The following TENM2 variants were observed in gnomAD, a reference collection of about 807,000 sequenced individuals.
TENM2 encodes teneurin-2.
TENM2 carries 52 observed loss-of-function variants against 245.2 expected under a neutral mutation model. That is an observed-to-expected ratio of 0.21 (90% CI 0.17 to 0.27). TENM2 has a LOEUF of 0.27. Among genes scored for constraint, TENM2 ranks in the 10% least tolerant of loss-of-function variants. TENM2 has a pLI of 1.00. For synonymous variants in TENM2, 1,363 were observed against 1,438.9 expected (o/e 0.95, Z 1.19); for missense variants, 3,046 against 3,666.8 (o/e 0.83, Z 4.37).
intron 25 of TENM2, among the ~76,000 whole-genome samples, chr5:168,231,424 T>G (rs1764888149): frequency 6.6e-6 from 1 of 152,170 alleles, no homozygotes; most frequent in African/African-American, 2.4e-5. Flanking sequence ...GGAATGGCAT[T>G]TCAGAAAACT....
chr5:168,054,094 C>T (rs565271275), intron 6 of TENM2, among the ~76,000 whole-genome samples: 10 of 152,310 alleles, frequency 6.6e-5, no homozygotes, highest in African/African-American at 2.4e-4. Flanking sequence ...TGTTAACGTT[C>T]CTAGCGGCAA....
At chr5:168,079,088 T>C (rs1161404895) in intron 7 of TENM2, among the ~76,000 whole-genome samples, 3 of 152,226 alleles carry the variant, frequency 2.0e-5, no homozygotes, top group Non-Finnish European at 4.4e-5. Flanking sequence ...CATTTGTTTG[T>C]GTCCTCTTTT....
chr5:167,190,745 A>T, the TENM2 span, among the ~76,000 whole-genome samples: 3 of 151,992 alleles, frequency 2.0e-5, no homozygotes, highest in Admixed American at 6.6e-5. Flanking sequence ...CTACACTCTC[A>T]TCTGCAGTGT....
chr5:168,090,218 CCACACACACACACACACACACACA>C (rs3083413), intron 7 of TENM2, among the ~76,000 whole-genome samples: 2 of 136,720 alleles, frequency 1.5e-5, no homozygotes, highest in Admixed American at 1.5e-4. Context: ...ACTCCCCCCA[CCACACACACACACACACACACACA>C]CACACACACA....
At chr5:167,134,945 A>G in the TENM2 span, among the ~76,000 whole-genome samples, 172 of 152,352 alleles carry the variant, frequency 1.1e-3, no homozygotes, top group African/African-American at 3.4e-3. Flanking sequence ...GAAAAATTCT[A>G]TTGTTAACGA....
chr5:167,450,554 A>G (rs1225630884), intron 2 of TENM2, among the ~76,000 whole-genome samples: 1 of 152,194 alleles, frequency 6.6e-6, no homozygotes, highest in African/African-American at 2.4e-5. Flanking sequence ...GTAAAACTCT[A>G]TAAGCTTATT....
chr5:166,981,199 C>CTTA, the TENM2 span, among the ~76,000 whole-genome samples: 1 of 152,164 alleles, frequency 6.6e-6, no homozygotes, highest in South Asian at 2.1e-4. Flanking sequence ...AGACCTAAAG[C>CTTA]TTATTTCTTC....
intron 1 of TENM2, among the ~76,000 whole-genome samples, chr5:167,327,029 A>T (rs934088822): frequency 6.6e-6 from 1 of 152,158 alleles, no homozygotes; most frequent in Non-Finnish European, 1.5e-5. Context: ...TTTTTTAAAA[A>T]ATTTTATTAT....
chr5:167,696,528 T>C (rs776682770), intron 2 of TENM2, among the ~76,000 whole-genome samples: 5 of 152,200 alleles, frequency 3.3e-5, no homozygotes, highest in Admixed American at 6.5e-5. Context: ...AGCTCACTTA[T>C]TTATCGTTCT....
chr5:167,867,087 A>G (rs943134897), intron 2 of TENM2, among the ~76,000 whole-genome samples: 1 of 152,158 alleles, frequency 6.6e-6, no homozygotes. Flanking sequence ...GTGTCAAGCA[A>G]TTAGAACTTT....
At chr5:168,050,323 C>T (rs753509939) in intron 6 of TENM2, among the ~76,000 whole-genome samples, 2 of 152,150 alleles carry the variant, frequency 1.3e-5, no homozygotes, top group Non-Finnish European at 2.9e-5. Flanking sequence ...TCAAAAGTGA[C>T]CTTGGGTTTG....
chr5:167,013,295 T>G, the TENM2 span, among the ~76,000 whole-genome samples: 1 of 152,262 alleles, frequency 6.6e-6, no homozygotes, highest in African/African-American at 2.4e-5. Context: ...TCTCTACTAA[T>G]AATCAAAACG....
chr5:167,796,119 GTTTTGT>G (rs1765298016), intron 2 of TENM2, among the ~76,000 whole-genome samples: 2 of 152,166 alleles, frequency 1.3e-5, no homozygotes, highest in South Asian at 4.1e-4. Flanking sequence ...AAAGGGGTTG[GTTTTGT>G]CTCCACTGAC....
chr5:167,098,095 A>G, the TENM2 span, among the ~76,000 whole-genome samples: 11 of 152,130 alleles, frequency 7.2e-5, no homozygotes, highest in Non-Finnish European at 1.0e-4. Flanking sequence ...TGCTACCTTT[A>G]TGTGGTCACC....
intron 5 of TENM2, among the ~76,000 whole-genome samples, chr5:168,042,825 C>G (rs1415746048): frequency 6.6e-6 from 1 of 152,148 alleles, no homozygotes; most frequent in Non-Finnish European, 1.5e-5. Flanking sequence ...CTCCAATTAG[C>G]CGGAGGGATA....
At chr5:168,114,932 C>G (rs964464294) in intron 9 of TENM2, among the ~76,000 whole-genome samples, 1 of 152,090 alleles carries the variant, frequency 6.6e-6, no homozygotes, top group Non-Finnish European at 1.5e-5. Context: ...CCATTCTTAC[C>G]TTCTAGACAA....
chr5:167,425,686 A>G (rs534438207), intron 2 of TENM2, among the ~76,000 whole-genome samples: 2 of 152,290 alleles, frequency 1.3e-5, no homozygotes, highest in South Asian at 4.2e-4. Context: ...CTGTATGAAC[A>G]TGGGAAATTA....
chr5:167,967,719 A>G (rs1781483756), intron 4 of TENM2, among the ~76,000 whole-genome samples: 1 of 152,220 alleles, frequency 6.6e-6, no homozygotes, highest in Non-Finnish European at 1.5e-5. Context: ...TTGTAAGAGC[A>G]AGACTTTGCC....
chr5:168,263,863 GTGTT>G (rs1014184894), downstream of TENM2: 4 of 152,454 alleles, frequency 2.6e-5, no homozygotes, highest in African/African-American at 9.7e-5. Context: ...AATTATTAGT[GTGTT>G]TGTTTGGTCC....
Sources: gnomAD v4.1 joint callset for allele counts (sites outside exome capture counted in the v4.1 genomes callset) on GRCh38, gnomAD v4.1.1 for gene constraint, MANE v1.5 for transcripts, NCBI Gene and HGNC (gene_info 2026-07-23, HGNC 2026-07-21) for gene names.